Variants in SYNE1 observed in about 807,000 individuals in gnomAD.
SYNE1 encodes spectrin repeat containing nuclear envelope protein 1.
Under a neutral mutation model 1,111.0 loss-of-function variants are expected in SYNE1, and 616 were observed. That is an observed-to-expected ratio of 0.55 (90% confidence interval 0.52 to 0.59). The LOEUF (loss-of-function observed/expected upper bound fraction) is 0.59, where lower values mean the gene tolerates loss of function less well. SYNE1 is among the 20% of genes least tolerant of loss of function. SYNE1 has a pLI of 0.00. For synonymous variants in SYNE1, 3,855 were observed against 3,825.8 expected, an observed-to-expected ratio of 1.01 and a Z score of -0.28; for missense variants, 10,006 against 10,417.0, an observed-to-expected ratio of 0.96 and a Z score of 1.72.
chr6:152,401,586 T>C (rs969766342), intron 46 of SYNE1, among the ~76,000 whole-genome samples: 1 of 152,186 alleles, frequency 6.6e-6, no homozygotes, highest in Non-Finnish European at 1.5e-5. Context: ...GTGGAAGCTC[T>C]AACTGAGGTT....
chr6:152,399,623 G>C lies in SYNE1; in HGVS notation c.7230C>G (p.His2410Gln). 1 of 1,614,118 alleles carries C rather than the reference G, an allele frequency of 6.2e-7. No homozygotes were observed. The highest frequency in any genetic ancestry group is 8.5e-7 in the Non-Finnish European group (1 of 1,179,992). Residue 2410 changes from histidine to glutamine, a missense_variant, in exon 48 of 146, where the codon CAC (histidine) becomes CAG (glutamine). His to Gln is a conservative substitution (Grantham distance 24). This residue lies in a region of SYNE1 where 4,955 missense variants were observed against 5,017.2 expected (regional missense o/e 0.99). Coordinates refer to ENST00000367255, the MANE Select transcript of SYNE1 (RefSeq NM_182961.4). The part of the protein sequence containing the change: ...QASLQESLEK[H>Q]FSESMQEFQE... ...AGGCCCCTCAGAACTCACCACTGAA[G>C]TGTTTTTCCAGAGATTCCTGCAGGC...
At position 152,455,441 on chromosome 6, in the gene SYNE1, G is replaced by A. The variant is rs150845131; in HGVS notation, c.2877C>T (p.Leu959=). 2 of 1,613,846 alleles carry A rather than the reference G, an allele frequency of 1.2e-6. No homozygotes were observed. Among genetic ancestry groups the A allele is most frequent in the Non-Finnish European group, 8.5e-7 (1 of 1,179,946 alleles). Residue 959 remains leucine, a synonymous_variant, in exon 24 of 146, where the codon CTC becomes CTT. Transcript: ENST00000367255. ...GTGGACTCACAGTGTGTCTCCGCAG[G>A]AGCTCCTCTGGATCCCCCTTTTCCT... ...GLEEKGDPEE[L]LRRHTEFFSQ...
chr6:152,318,672 G>A (rs2095796415), intron 85 of SYNE1, among the ~76,000 whole-genome samples, 191 bp downstream of exon 85: 1 of 152,120 alleles, frequency 6.6e-6, no homozygotes, highest in African/African-American at 2.4e-5. Flanking sequence ...TATTAATACT[G>A]TTCAATTATA....
chr6:152,609,965 C>T (rs1382235230), intron 3 of SYNE1, among the ~76,000 whole-genome samples: 2 of 152,296 alleles, frequency 1.3e-5, no homozygotes, highest in East Asian at 3.9e-4. Context: ...ACAAAAAGGA[C>T]ATCTACAGCA....
intron 145 of SYNE1, chr6:152,128,958 C>T (rs966691038): frequency 1.3e-5 from 2 of 152,214 alleles, no homozygotes; most frequent in African/African-American, 4.8e-5. Flanking sequence ...GTTTGCCATT[C>T]AGGTGAAGAT....
chr6:152,461,125 C>G (rs2154264839), intron 21 of SYNE1, among the ~76,000 whole-genome samples: 1 of 152,228 alleles, frequency 6.6e-6, no homozygotes, highest in African/African-American at 2.4e-5. Flanking sequence ...TGTATATATT[C>G]TAAGCCTAAG....
intron 74 of SYNE1, among the ~76,000 whole-genome samples, chr6:152,340,756 C>T (rs888086347): frequency 4.6e-5 from 7 of 152,212 alleles, no homozygotes; most frequent in Non-Finnish European, 1.0e-4. Context: ...TCGGGAGCAT[C>T]ATGATCTGAA....
rs369448063 is a variant in SYNE1, at chr6:152,409,050, C to T, written c.6540+18G>A. 3 of 1,612,784 alleles carry T rather than the reference C, an allele frequency of 1.9e-6. No individual in the cohort carries two copies. The African/African-American group carries it at 4.0e-5, about 22-fold the overall frequency. On this transcript the variant is annotated intron_variant, in intron 44 of 145. Transcript: ENST00000367255. ...TGAATATTTAAATAGTTCACAGAAT[C>T]CCAGGTGATTATCTTACATCCAGCC...
Position 152,318,415 on chromosome 6 carries a change from G to T in SYNE1, c.16390-152C>A, listed in dbSNP as rs915570149. 8.1e-6 allele frequency: 7 copies of T among 867,864 alleles called. No individual in the cohort carries two copies. The Admixed American group carries it at 1.5e-4, about 19-fold the overall frequency. The allele number at this position is 867,864 out of a possible 1,614,324, so 53.8% of individuals were successfully genotyped here. ...TGATCAGGTCATTTTTGTTTCTTCG[G>T]TTGGAAAGGCAGGGCAGGATATGTT... On this transcript the variant is annotated intron_variant, in intron 85 of 145. Coordinates refer to ENST00000367255, the MANE Select transcript of SYNE1 (RefSeq NM_182961.4).
At chr6:152,558,023 A>G (rs2099376967) in intron 3 of SYNE1, among the ~76,000 whole-genome samples, 1 of 152,198 alleles carries the variant, frequency 6.6e-6, no homozygotes, top group African/African-American at 2.4e-5. Context: ...TGGGTACACA[A>G]TATAAAAAGA....
chr6:152,352,376 G>C, intron 69 of SYNE1, 23 bp from the exon 70 acceptor site: 1 of 1,607,524 alleles, frequency 6.2e-7, no homozygotes, highest in Non-Finnish European at 8.5e-7. Context: ...GTGAGTAGGA[G>C]CAAAGGTAGT....
At chr6:152,184,742 CA>C (rs1468696876) in intron 128 of SYNE1, among the ~76,000 whole-genome samples, 1 of 151,916 alleles carries the variant, frequency 6.6e-6, no homozygotes, top group African/African-American at 2.4e-5. Flanking sequence ...ATTTTCTTAC[CA>C]CGGAGCTACA....
At chr6:152,319,152 G>A (rs776133106) in intron 84 of SYNE1, 137 bp from the exon 85 acceptor site, 10 of 1,239,782 alleles carry the variant, frequency 8.1e-6, no homozygotes, top group African/African-American at 1.5e-5. Flanking sequence ...AGCGATGTGC[G>A]ATTAGTTACA....
At chr6:152,130,822 C>T (rs556903864) in intron 144 of SYNE1, 44 bp from the exon 145 acceptor site, 1 of 1,598,716 alleles carries the variant, frequency 6.3e-7, no homozygotes, top group African/African-American at 1.3e-5. Context: ...AATGTTCAGT[C>T]CAGGCAAATA....
At position 152,233,602 on chromosome 6, in the gene SYNE1, G is replaced by A. The variant is rs35764603; in HGVS notation, c.20712+179C>T. 0.19 allele frequency among the ~76,000 whole-genome samples: 29,097 copies of A among 152,014 alleles called. 3,022 individuals are homozygous for A. The highest frequency in any genetic ancestry group is 0.24 in the African/African-American group (9,940 of 41,432). On this transcript the variant is annotated intron_variant, in intron 112 of 145. Coordinates refer to ENST00000367255, the MANE Select transcript of SYNE1 (RefSeq NM_182961.4). ...AGCCTCCCTAAGTGCTAGGATTACA[G>A]GTGCGAGCCACCGCGCCCGGCCAGA...
intron 37 of SYNE1, 78 bp from the exon 38 acceptor site, chr6:152,427,894 G>A: frequency 6.3e-7 from 1 of 1,592,858 alleles, no homozygotes; most frequent in Non-Finnish European, 8.6e-7. Context: ...AAGTTGGAGG[G>A]TCCAACACAA....
intron 63 of SYNE1, among the ~76,000 whole-genome samples, chr6:152,364,220 C>T (rs2097007633): frequency 6.6e-6 from 1 of 152,148 alleles, no homozygotes; most frequent in African/African-American, 2.4e-5. Context: ...TGTAAGTTTC[C>T]TGAGGCCTCC....
intron 14 of SYNE1, among the ~76,000 whole-genome samples, chr6:152,475,220 A>G (rs1232038496): frequency 2.0e-5 from 3 of 152,240 alleles, no homozygotes; most frequent in African/African-American, 7.2e-5. Flanking sequence ...ATTTCAGAAC[A>G]GAAGCATTAT....
intron 127 of SYNE1, among the ~76,000 whole-genome samples, chr6:152,189,801 C>G (rs1206432736): frequency 1.3e-5 from 2 of 152,194 alleles, no homozygotes; most frequent in Non-Finnish European, 2.9e-5. Flanking sequence ...GGTGGAAGGT[C>G]TTGGCTCAAC....
Sources: gnomAD v4.1 joint callset for allele counts (sites outside exome capture counted in the v4.1 genomes callset) on GRCh38, gnomAD v4.1.1 for gene constraint, gnomAD v4.1.1 regional missense constraint, MANE v1.5 for transcripts, NCBI Gene and HGNC (gene_info 2026-07-23, HGNC 2026-07-21) for gene names.